SCLT1: variants seen among roughly 807,000 people sequenced by gnomAD.
SCLT1 encodes the protein sodium channel and clathrin linker 1.
A neutral mutation model predicts 112.8 loss-of-function variants in SCLT1; 78 were observed. The ratio of observed to expected loss-of-function variants is 0.69; its 90% CI spans 0.58 to 0.83. The LOEUF is 0.83. Among genes scored for constraint, SCLT1 ranks in the 40% least tolerant of loss-of-function variants. The probability of loss-of-function intolerance (pLI) is 0.00; values close to 1 mark genes in which losing one functional copy is unlikely to be tolerated. For synonymous variants in SCLT1, 257 were observed against 254.7 expected (o/e 1.01, Z -0.09); for missense variants, 747 against 770.4 (o/e 0.97, Z 0.36).
chr4:129,039,155 G>A, intron 4 of SCLT1, 59 bp from the exon 5 acceptor site: 1 of 1,045,630 alleles, frequency 9.6e-7, no homozygotes, highest in Non-Finnish European at 1.5e-6. Context: ...TCTCCATTAA[G>A]TAGACCACTC....
At chr4:128,893,779 G>A (rs1467457369) in intron 18 of SCLT1, among the ~76,000 whole-genome samples, 1 of 152,186 alleles carries the variant, frequency 6.6e-6, no homozygotes, top group Non-Finnish European at 1.5e-5. Context: ...CTGACCTCGT[G>A]AGCCGCCCTC....
intron 2 of SCLT1, among the ~76,000 whole-genome samples, chr4:129,061,677 G>A (rs1005108107): frequency 6.6e-6 from 1 of 152,078 alleles, no homozygotes; most frequent in Non-Finnish European, 1.5e-5. Context: ...GATGGGGTGA[G>A]GGGAAGGTAG....
intron 5 of SCLT1, among the ~76,000 whole-genome samples, chr4:129,016,025 GATTA>G (rs1400966216): frequency 1.3e-5 from 2 of 151,798 alleles, no homozygotes; most frequent in Non-Finnish European, 2.9e-5. Flanking sequence ...AGTTGCACTT[GATTA>G]ATTATCTTGT....
intron 2 of SCLT1, among the ~76,000 whole-genome samples, chr4:129,055,544 A>C (rs1749283218): frequency 6.6e-6 from 1 of 152,174 alleles, no homozygotes; most frequent in South Asian, 2.1e-4. Context: ...AGTTCTGCCC[A>C]GTCTGACCTT....
chr4:129,021,887 C>T (rs913334626), intron 5 of SCLT1, among the ~76,000 whole-genome samples: 3 of 152,222 alleles, frequency 2.0e-5, no homozygotes, highest in African/African-American at 7.2e-5. Flanking sequence ...AACCTCCCAA[C>T]AGGGGCTGAC....
intron 3 of SCLT1, among the ~76,000 whole-genome samples, chr4:128,877,876 GC>G (rs981400087): frequency 3.3e-4 from 50 of 152,266 alleles, no homozygotes; most frequent in African/African-American, 1.2e-3. Context: ...ATTAGTTCCA[GC>G]CTTATTCTAG....
At chr4:128,923,862 A>G (rs958209234) in intron 18 of SCLT1, among the ~76,000 whole-genome samples, 3 of 151,940 alleles carry the variant, frequency 2.0e-5, no homozygotes, top group Non-Finnish European at 2.9e-5. Flanking sequence ...CCCAGGCTGG[A>G]GTGCAGTGGC....
intron 5 of SCLT1, among the ~76,000 whole-genome samples, chr4:129,033,043 C>T (rs1289648895): frequency 6.6e-6 from 1 of 152,056 alleles, no homozygotes; most frequent in Non-Finnish European, 1.5e-5. Context: ...CATATGTTTA[C>T]TGAAGCACTA....
In SCLT1 at chr4:128,890,289, A is replaced by G. The variant is rs183383542; in HGVS notation, c.1908+770T>C. On this transcript the variant is annotated intron_variant, in intron 19 of 20. Coordinates refer to ENST00000281142, the MANE Select transcript of SCLT1 (RefSeq NM_144643.4). ...TGGTTGCTTTTGATCTTCCTATATT[A>G]TTAACATTACTGTACTGAGTACCTT... Among the ~76,000 whole-genome samples the G allele has an allele frequency of 7.9e-5, 12 of 152,252 alleles. No individual in the cohort carries two copies. In the East Asian group the frequency reaches 2.1e-3, roughly 27 times the overall value.
intron 2 of SCLT1, among the ~76,000 whole-genome samples, chr4:129,048,022 C>T (rs1748357120): frequency 6.6e-6 from 1 of 152,060 alleles, no homozygotes; most frequent in Non-Finnish European, 1.5e-5. Context: ...GCCTTTCTTG[C>T]TTATGCCTTT....
At chr4:129,044,827 CA>C (rs61042798) in intron 2 of SCLT1, among the ~76,000 whole-genome samples, 3,344 of 77,214 alleles carry the variant, frequency 0.043, 97 homozygotes, top group African/African-American at 0.11. Context: ...ATAATCTCAC[CA>C]AAAAAAAAAA....
At chr4:128,962,806 G>C (rs543685113) in intron 11 of SCLT1, among the ~76,000 whole-genome samples, 1 of 151,330 alleles carries the variant, frequency 6.6e-6, no homozygotes, top group African/African-American at 2.4e-5. Flanking sequence ...GAATTATCTG[G>C]TACATTTGGT....
At chr4:129,086,585 A>G (rs1392217140) in intron 1 of SCLT1, among the ~76,000 whole-genome samples, 2 of 152,130 alleles carry the variant, frequency 1.3e-5, no homozygotes, top group East Asian at 1.9e-4. Flanking sequence ...TATAGGTACT[A>G]AACAGCATTT....
intron 2 of SCLT1, among the ~76,000 whole-genome samples, chr4:129,047,686 G>C (rs1376260017): frequency 6.6e-6 from 1 of 152,058 alleles, no homozygotes; most frequent in Non-Finnish European, 1.5e-5. Flanking sequence ...CATTAAAACA[G>C]GGGTGATATG....
In SCLT1 at chr4:128,997,831, T is replaced by C. The variant is rs539493407; in HGVS notation, c.615+43A>G. On this transcript the variant is annotated intron_variant, in intron 8 of 20. Coordinates refer to ENST00000281142, the MANE Select transcript of SCLT1 (RefSeq NM_144643.4). Reference sequence around the variant, plus strand: ...ATATTAACATAAATAAATATGATTATTTATAGGGACAATTTCTAGTTTATA... The same window carrying C: ...ATATTAACATAAATAAATATGATTACTTATAGGGACAATTTCTAGTTTATA... The C allele has an allele frequency of 4.7e-5, 43 of 913,932 alleles. No homozygotes were observed. In the South Asian group the frequency reaches 7.4e-4, roughly 16 times the overall value. 56.6% of individuals were successfully genotyped at this position (913,932 alleles called of 1,614,324 possible). A position where few individuals can be genotyped will look rare whatever the true frequency, so the allele number is the denominator to read the frequency against.
At chr4:128,917,420 T>C (rs975486890) in intron 18 of SCLT1, among the ~76,000 whole-genome samples, 3 of 152,206 alleles carry the variant, frequency 2.0e-5, no homozygotes, top group Non-Finnish European at 4.4e-5. Context: ...CCACATTGGT[T>C]TTAATGATCC....
chr4:128,925,792 G>T (rs988677599), intron 18 of SCLT1, among the ~76,000 whole-genome samples: 1 of 151,316 alleles, frequency 6.6e-6, no homozygotes, highest in Non-Finnish European at 1.5e-5. Context: ...GGTTTCTTTC[G>T]CTCTCTTCAA....
chr4:129,013,787 C>T (rs2167243), intron 5 of SCLT1, among the ~76,000 whole-genome samples: 2,982 of 152,130 alleles, frequency 0.02, 87 homozygotes, highest in African/African-American at 0.062. Flanking sequence ...ATGTGTCTTG[C>T]GGATGATCTT....
intron 9 of SCLT1, among the ~76,000 whole-genome samples, chr4:128,991,290 T>G (rs1465604540): frequency 6.6e-6 from 1 of 151,758 alleles, no homozygotes; most frequent in South Asian, 2.1e-4. Context: ...CAACGCATTT[T>G]CAACCCCTAT....
Sources: allele counts gnomAD v4.1 joint callset (sites outside exome capture counted in the v4.1 genomes callset), GRCh38; gene constraint gnomAD v4.1.1; transcripts MANE v1.5; gene names NCBI Gene and HGNC (gene_info 2026-07-23, HGNC 2026-07-21).